The following EYS variants were observed in gnomAD, a reference collection of about 807,000 sequenced individuals.
The protein encoded by EYS is protein eyes shut homolog.
A neutral mutation model predicts 282.1 loss-of-function variants in EYS; 250 were observed. The ratio of observed to expected loss-of-function variants is 0.89; its 90% CI spans 0.80 to 0.98. EYS has a LOEUF of 0.98. Among genes scored for constraint, EYS ranks in the 50% least tolerant of loss-of-function variants. The probability of loss-of-function intolerance (pLI) is 0.00; values close to 1 mark genes in which losing one functional copy is unlikely to be tolerated. For missense variants in EYS, 4,016 were observed against 3,709.0 expected, an observed-to-expected ratio of 1.08 and a Z score of -2.15; for synonymous variants, 1,355 against 1,282.9, an observed-to-expected ratio of 1.06 and a Z score of -1.20.
chr6:64,450,305 T>C (rs1433673256), intron 26 of EYS, among the ~76,000 whole-genome samples: 3 of 152,220 alleles, frequency 2.0e-5, no homozygotes, highest in Non-Finnish European at 4.4e-5. Context: ...CAAGAAGAAC[T>C]AACTATCCTA....
At chr6:64,114,493 T>C (rs1055918735) in intron 31 of EYS, among the ~76,000 whole-genome samples, 34 of 152,082 alleles carry the variant, frequency 2.2e-4, no homozygotes, top group African/African-American at 7.5e-4. Flanking sequence ...CAAGAACCTA[T>C]AGCAGCACAA....
At chr6:65,642,239 T>C (rs1000550807) in intron 1 of EYS, among the ~76,000 whole-genome samples, 10 of 152,144 alleles carry the variant, frequency 6.6e-5, no homozygotes, top group Non-Finnish European at 1.2e-4. Flanking sequence ...TTTCGGTGGG[T>C]ACATGCTTTT....
At chr6:64,087,513 C>T (rs1281728480) in intron 31 of EYS, among the ~76,000 whole-genome samples, 2 of 152,028 alleles carry the variant, frequency 1.3e-5, no homozygotes, top group Non-Finnish European at 2.9e-5. Flanking sequence ...AAGCCTATCT[C>T]ATCTATCCTC....
chr6:64,335,415 G>T (rs916940688), intron 29 of EYS, among the ~76,000 whole-genome samples: 1 of 152,172 alleles, frequency 6.6e-6, no homozygotes, highest in Middle Eastern at 3.4e-3. Flanking sequence ...AGGGTCACAA[G>T]ACTGAAAAGT....
At chr6:65,509,902 C>G (rs1766798269) in intron 2 of EYS, among the ~76,000 whole-genome samples, 1 of 152,152 alleles carries the variant, frequency 6.6e-6, no homozygotes. Context: ...AACCTCCTAT[C>G]AGCATCATTC....
intron 35 of EYS, among the ~76,000 whole-genome samples, chr6:63,975,788 G>C (rs1469939264): frequency 6.6e-6 from 1 of 151,990 alleles, no homozygotes; most frequent in Non-Finnish European, 1.5e-5. Flanking sequence ...TAAGGATTAT[G>C]TAATTCTCTA....
intron 19 of EYS, 98 bp downstream of exon 19, chr6:64,886,599 T>C (rs1767092831): frequency 9.3e-6 from 9 of 964,432 alleles, no homozygotes; most frequent in Non-Finnish European, 1.3e-5. Flanking sequence ...CCTGTTTGCA[T>C]CTGGCAGATT....
At chr6:64,682,071 C>CCG (rs1238786289) in intron 22 of EYS, among the ~76,000 whole-genome samples, 1 of 152,050 alleles carries the variant, frequency 6.6e-6, no homozygotes, top group Non-Finnish European at 1.5e-5. Flanking sequence ...CCCAGGCCCC[C>CCG]GGGTGGGGCT....
intron 29 of EYS, among the ~76,000 whole-genome samples, chr6:64,374,572 C>T (rs1382627141): frequency 6.6e-6 from 1 of 152,070 alleles, no homozygotes; most frequent in Non-Finnish European, 1.5e-5. Context: ...TAGGCGGGTG[C>T]CCAGCTTTGC....
chr6:64,253,911 G>A (rs1195661533), intron 30 of EYS, among the ~76,000 whole-genome samples: 2 of 152,108 alleles, frequency 1.3e-5, no homozygotes, highest in Non-Finnish European at 2.9e-5. Context: ...AGTTGTGACT[G>A]TTATGAAGTT....
intron 26 of EYS, among the ~76,000 whole-genome samples, chr6:64,490,876 C>CT (rs966334304): frequency 1.3e-5 from 2 of 150,692 alleles, no homozygotes; most frequent in Non-Finnish European, 3.0e-5. Context: ...TAAAACCACA[C>CT]TTTTTTGTTT....
At chr6:64,195,602 T>C (rs1765261807) in intron 31 of EYS, among the ~76,000 whole-genome samples, 2 of 152,216 alleles carry the variant, frequency 1.3e-5, no homozygotes, top group South Asian at 4.1e-4. Context: ...CCCAGCTTTT[T>C]TATTACTTTT....
At chr6:65,575,119 G>C (rs962075550) in intron 2 of EYS, among the ~76,000 whole-genome samples, 6 of 151,868 alleles carry the variant, frequency 4.0e-5, no homozygotes, top group Admixed American at 3.9e-4. Flanking sequence ...TCAGGAGTTC[G>C]AGACCAGCCT....
chr6:64,993,818 G>A (rs557805800), intron 14 of EYS, among the ~76,000 whole-genome samples: 2 of 147,468 alleles, frequency 1.4e-5, no homozygotes, highest in African/African-American at 5.0e-5. Context: ...TTTTTTAGAA[G>A]ACATATAAAT....
chr6:64,802,013 A>ATT (rs1415788607), intron 22 of EYS, among the ~76,000 whole-genome samples: 9 of 124,168 alleles, frequency 7.2e-5, no homozygotes, highest in Non-Finnish European at 1.4e-4. Flanking sequence ...GTTATAACAA[A>ATT]TTTCTTTTTC....
intron 11 of EYS, among the ~76,000 whole-genome samples, chr6:65,315,142 T>G (rs1769265514): frequency 6.6e-6 from 1 of 152,118 alleles, no homozygotes; most frequent in South Asian, 2.1e-4. Flanking sequence ...GCTGAGTAGT[T>G]TACTGCATGT....
intron 26 of EYS, among the ~76,000 whole-genome samples, chr6:64,510,055 ATGG>A (rs1436210161): frequency 6.6e-6 from 1 of 152,156 alleles, no homozygotes; most frequent in African/African-American, 2.4e-5. Flanking sequence ...CTAGCAGCAA[ATGG>A]TTGCATATTG....
intron 26 of EYS, among the ~76,000 whole-genome samples, chr6:64,552,337 C>A (rs1371992536): frequency 6.6e-6 from 1 of 152,104 alleles, no homozygotes; most frequent in Non-Finnish European, 1.5e-5. Flanking sequence ...TTGAAATGGC[C>A]CCGCAAAGCT....
At chr6:65,438,378 G>A (rs550733917) in intron 5 of EYS, among the ~76,000 whole-genome samples, 92 of 152,140 alleles carry the variant, frequency 6.0e-4, no homozygotes, top group African/African-American at 2.0e-3. Flanking sequence ...ACCCAGTAAC[G>A]GGATGGCTGG....
Sources: gnomAD v4.1 joint callset for allele counts (sites outside exome capture counted in the v4.1 genomes callset) on GRCh38, gnomAD v4.1.1 for gene constraint, MANE v1.5 for transcripts, NCBI Gene and HGNC (gene_info 2026-07-23, HGNC 2026-07-21) for gene names.